SLIT3: variants seen among roughly 807,000 people sequenced by gnomAD.
The protein encoded by SLIT3 is slit guidance ligand 3, also known as slit homolog 3 protein.
A neutral mutation model predicts 184.0 loss-of-function variants in SLIT3; 68 were observed. That is an observed-to-expected ratio of 0.37 (90% CI 0.30 to 0.45). The LOEUF (loss-of-function observed/expected upper bound fraction) is 0.45, where lower values mean the gene tolerates loss of function less well. SLIT3 is among the 20% of genes least tolerant of loss of function. The pLI is 1.00. For synonymous variants in SLIT3, 831 were observed against 828.6 expected (o/e 1.00, Z -0.05); for missense variants, 1,707 against 2,026.0 (o/e 0.84, Z 3.02).
chr5:169,257,533 C>CTTTTTTTTTTTT (rs1157258489), intron 1 of SLIT3, among the ~76,000 whole-genome samples: 1 of 80,962 alleles, frequency 1.2e-5, no homozygotes, highest in Non-Finnish European at 2.2e-5. Flanking sequence ...TCTATGCCTC[C>CTTTTTTTTTTTT]TTTTTTTTTT....
intron 5 of SLIT3, among the ~76,000 whole-genome samples, chr5:168,867,170 G>A (rs1759331738): frequency 6.6e-6 from 1 of 152,160 alleles, no homozygotes; most frequent in Admixed American, 6.5e-5. Context: ...GGAGCAGGTG[G>A]TTTTCAAACT....
intron 3 of SLIT3, among the ~76,000 whole-genome samples, chr5:169,231,671 C>T (rs1765007794): frequency 6.6e-6 from 1 of 152,120 alleles, no homozygotes; most frequent in Non-Finnish European, 1.5e-5. Flanking sequence ...CTGATATGAA[C>T]ATTCCTGTGT....
chr5:168,886,078 T>G (rs1760195982), intron 4 of SLIT3, among the ~76,000 whole-genome samples: 1 of 152,244 alleles, frequency 6.6e-6, no homozygotes, highest in African/African-American at 2.4e-5. Context: ...TCCCTGTCAC[T>G]GCTTTCCTCC....
intron 4 of SLIT3, among the ~76,000 whole-genome samples, chr5:169,100,437 G>C (rs1236525746): frequency 6.6e-6 from 1 of 152,192 alleles, no homozygotes; most frequent in Non-Finnish European, 1.5e-5. Context: ...GATTGTCGTA[G>C]CACAAAGGCA....
chr5:169,183,961 A>G (rs1763250109), intron 4 of SLIT3, among the ~76,000 whole-genome samples: 1 of 152,240 alleles, frequency 6.6e-6, no homozygotes, highest in South Asian at 2.1e-4. Context: ...AAGCTGGCAG[A>G]ATGTACTTCT....
chr5:169,215,925 CATTG>C lies in SLIT3; in HGVS notation c.342-22379_342-22376del, dbSNP rs374063729. ...GAGTACCACTCTTTTAAACATTTTA[CATTG>C]ATTAATTTATTTCATGCTCAAAATA... is the stretch of plus-strand genomic sequence containing the variant. On this transcript the variant is annotated intron_variant, in intron 3 of 35. Coordinates refer to ENST00000519560, the MANE Select transcript of SLIT3 (RefSeq NM_003062.4). Among the ~76,000 whole-genome samples the C allele has an allele frequency of 3.3e-5, 5 of 152,280 alleles. No homozygotes were observed. The East Asian group carries it at 7.7e-4, about 24-fold the overall frequency.
At chr5:168,925,715 A>G (rs1474808311) in intron 4 of SLIT3, among the ~76,000 whole-genome samples, 1 of 152,020 alleles carries the variant, frequency 6.6e-6, no homozygotes, top group Non-Finnish European at 1.5e-5. Context: ...CTTTACAGAA[A>G]TGGAAGCTGA....
chr5:169,084,656 T>C (rs1381063994), intron 4 of SLIT3, among the ~76,000 whole-genome samples: 1 of 152,176 alleles, frequency 6.6e-6, no homozygotes, highest in Non-Finnish European at 1.5e-5. Flanking sequence ...TCAGTTTCTT[T>C]TGAAAAACAA....
chr5:168,925,831 T>C (rs1761802974), intron 4 of SLIT3, among the ~76,000 whole-genome samples: 1 of 152,076 alleles, frequency 6.6e-6, no homozygotes, highest in Non-Finnish European at 1.5e-5. Context: ...CAGTAACAAG[T>C]GAGGTATTAG....
intron 4 of SLIT3, among the ~76,000 whole-genome samples, chr5:169,010,100 T>C (rs1756089313): frequency 6.6e-6 from 1 of 152,164 alleles, no homozygotes; most frequent in African/African-American, 2.4e-5. Flanking sequence ...AAAGCATAGC[T>C]GGGTGCTTTG....
At position 168,662,278 on chromosome 5, in the gene SLIT3, T is replaced by A. The variant is rs1184647306; in HGVS notation, c.*4176A>T. On this transcript the variant is annotated 3_prime_UTR_variant, in exon 36 of 36. Coordinates refer to ENST00000519560, the MANE Select transcript of SLIT3 (RefSeq NM_003062.4). The stretch of plus-strand genomic sequence containing the variant: ...ACTCCTCCAGCTCTGGTATCTGGGA[T>A]CTTGAGTCTGAGGGGCAGGTCACTT... The A allele has an allele frequency of 6.6e-6, 1 of 152,212 alleles. No individual in the cohort carries two copies. Among genetic ancestry groups the A allele is most frequent in the East Asian group, 1.9e-4 (1 of 5,206 alleles). The allele number at this position is 152,212 out of a possible 1,614,324, so 9.4% of individuals were successfully genotyped here. A position where few individuals can be genotyped will look rare whatever the true frequency, so the allele number is the denominator to read the frequency against.
intron 4 of SLIT3, among the ~76,000 whole-genome samples, chr5:169,006,885 GC>G (rs2113442567): frequency 6.6e-6 from 1 of 152,220 alleles, no homozygotes; most frequent in African/African-American, 2.4e-5. Flanking sequence ...CCTGAGGCAT[GC>G]CCTGGGCACT....
In SLIT3 at chr5:168,749,408, T is replaced by C. The variant is rs186398770; in HGVS notation, c.2137+64A>G. Reference sequence around the variant, plus strand: ...ATCTCAGGGAGTATCTGATTGTGCATCTTCGCCATCTTCCTTGCCTTCCCA... The same window carrying C: ...ATCTCAGGGAGTATCTGATTGTGCACCTTCGCCATCTTCCTTGCCTTCCCA... On this transcript the variant is annotated intron_variant, in intron 19 of 35. Transcript: ENST00000519560. 1.3e-5 allele frequency: 20 copies of C among 1,580,604 alleles called. No homozygotes were observed. In the East Asian group the frequency reaches 4.3e-4, roughly 34 times the overall value.
chr5:169,269,790 C>T (rs1766536095), intron 1 of SLIT3, among the ~76,000 whole-genome samples: 1 of 152,250 alleles, frequency 6.6e-6, no homozygotes, highest in Admixed American at 6.5e-5. Context: ...CCAACGAAGA[C>T]AAACATCCTT....
rs559830109 is a variant in SLIT3 at position 168,737,409 on chromosome 5, C to A, written c.2270+10893G>T. On this transcript the variant is annotated intron_variant, in intron 20 of 35. Transcript: ENST00000519560. Reference sequence around the variant, plus strand: ...TGCATCTCAGCCCTGTGCCCTCCTACCTCCTGGTTGAGCCCCATCCTTTTC... The same window carrying A: ...TGCATCTCAGCCCTGTGCCCTCCTAACTCCTGGTTGAGCCCCATCCTTTTC... Among the ~76,000 whole-genome samples, 374 of 152,254 alleles carry A rather than the reference C, an allele frequency of 2.5e-3. 1 individual carries two copies. Among genetic ancestry groups the A allele is most frequent in the African/African-American group, 8.8e-3 (365 of 41,532 alleles).
intron 23 of SLIT3, 129 bp from the exon 24 acceptor site, chr5:168,712,483 C>A: frequency 1.3e-6 from 1 of 741,464 alleles, no homozygotes. Flanking sequence ...CTAGCAGTAG[C>A]TGCTGCCCCC....
At position 168,753,103 on chromosome 5, in the gene SLIT3, A is replaced by G. The variant is rs1056566002; in HGVS notation, c.1830-5T>C. 1.9e-6 allele frequency: 3 copies of G among 1,613,830 alleles called. No homozygotes were observed. In the African/African-American group the frequency reaches 4.0e-5, roughly 22 times the overall value. The stretch of plus-strand genomic sequence containing the variant: ...ATCAAGTTACTCCTCAGCATCCTAC[A>G]GGGAGAGGGGTGGGGATGAGAGAGC... On this transcript the variant is annotated splice_region_variant and splice_polypyrimidine_tract_variant and intron_variant, in intron 17 of 35. Transcript: ENST00000519560.
chr5:168,959,484 C>G (rs1736012319), intron 4 of SLIT3, among the ~76,000 whole-genome samples: 4 of 152,204 alleles, frequency 2.6e-5, no homozygotes, highest in African/African-American at 7.2e-5. Flanking sequence ...GCCTCATTGT[C>G]TGCGTCTGTG....
Position 168,842,469 on chromosome 5 carries a change from G to GTTTTTTTT in SLIT3, c.557+2107_557+2114dup, listed in dbSNP as rs778998998. ...TGGTGCATCTGGATACCGTTTTTTC[G>GTTTTTTTT]TTTTTTTTTTTTTTTTTTGTATCTG... On this transcript the variant is annotated intron_variant, in intron 6 of 35. Transcript: ENST00000519560. 9.0e-3 allele frequency among the ~76,000 whole-genome samples: 791 copies of GTTTTTTTT among 87,980 alleles called. 91 individuals carry two copies. Among genetic ancestry groups the GTTTTTTTT allele is most frequent in the African/African-American group, 0.027 (555 of 20,820 alleles). 57.7% of individuals were successfully genotyped at this position (87,980 alleles called of 152,430 possible). A position where few individuals can be genotyped will look rare whatever the true frequency, so the allele number is the denominator to read the frequency against.
Sources: allele counts gnomAD v4.1 joint callset (sites outside exome capture counted in the v4.1 genomes callset), GRCh38; gene constraint gnomAD v4.1.1; transcripts MANE v1.5; gene names NCBI Gene and HGNC (gene_info 2026-07-23, HGNC 2026-07-21).